The following HECW1 variants were observed in gnomAD, a reference collection of about 807,000 sequenced individuals.
HECW1 encodes HECT, C2 and WW domain containing E3 ubiquitin protein ligase 1, also known as E3 ubiquitin-protein ligase HECW1.
Under a neutral mutation model 182.3 loss-of-function variants are expected in HECW1, and 61 were observed. The observed-to-expected ratio is 0.33, with a 90% CI of 0.27 to 0.41. The LOEUF is 0.41. Among genes scored for constraint, HECW1 ranks in the 10% least tolerant of loss-of-function variants. The pLI, the probability that HECW1 is intolerant of heterozygous loss-of-function variation, is 1.00. For synonymous variants in HECW1, 859 were observed against 832.6 expected, an observed-to-expected ratio of 1.03 and a Z score of -0.55; for missense variants, 1,739 against 2,108.9, an observed-to-expected ratio of 0.82 and a Z score of 3.44.
intron 2 of HECW1, among the ~76,000 whole-genome samples, chr7:43,175,896 A>G (rs1792187163): frequency 2.0e-5 from 3 of 151,934 alleles, no homozygotes; most frequent in Admixed American, 6.6e-5. Flanking sequence ...TTCAATACCT[A>G]ATTATATCTC....
At chr7:43,221,508 T>C in intron 2 of HECW1, among the ~76,000 whole-genome samples, 1 of 149,834 alleles carries the variant, frequency 6.7e-6, no homozygotes. Context: ...TCAGTAAGTA[T>C]TTGCTAAACT....
At chr7:43,222,258 GT>G (rs1305107072) in intron 2 of HECW1, among the ~76,000 whole-genome samples, 1 of 151,756 alleles carries the variant, frequency 6.6e-6, no homozygotes, top group Non-Finnish European at 1.5e-5. Flanking sequence ...GAGAACCTGG[GT>G]TTTTTTTGCT....
chr7:43,223,524 C>T (rs1797166418), intron 2 of HECW1, among the ~76,000 whole-genome samples: 1 of 151,934 alleles, frequency 6.6e-6, no homozygotes, highest in Admixed American at 6.5e-5. Flanking sequence ...GAGGCCGAGG[C>T]AGGAGAATCG....
At chr7:43,334,968 C>T (rs1811935788) in intron 5 of HECW1, among the ~76,000 whole-genome samples, 1 of 152,122 alleles carries the variant, frequency 6.6e-6, no homozygotes, top group Non-Finnish European at 1.5e-5. Flanking sequence ...GCTTATTTTA[C>T]AATATGAATT....
chr7:43,390,868 T>C (rs2075001754), intron 6 of HECW1, among the ~76,000 whole-genome samples: 1 of 152,096 alleles, frequency 6.6e-6, no homozygotes, highest in South Asian at 2.1e-4. Context: ...GGCTGGAATG[T>C]AACAAAGAGC....
chr7:43,134,697 T>C (rs1787334054), intron 2 of HECW1, among the ~76,000 whole-genome samples: 1 of 144,110 alleles, frequency 6.9e-6, no homozygotes, highest in East Asian at 2.0e-4. Flanking sequence ...TGGCATATTT[T>C]CCTCAATCTT....
At chr7:43,435,195 A>C (rs1318557014) in intron 8 of HECW1, among the ~76,000 whole-genome samples, 1 of 151,744 alleles carries the variant, frequency 6.6e-6, no homozygotes, top group Non-Finnish European at 1.5e-5. Flanking sequence ...TTATATGTGC[A>C]TATCACCTAT....
chr7:43,531,513 A>G (rs1218122997), intron 24 of HECW1, among the ~76,000 whole-genome samples: 3 of 152,172 alleles, frequency 2.0e-5, no homozygotes, highest in Non-Finnish European at 4.4e-5. Flanking sequence ...CATTGAAAAA[A>G]CAACAACCCA....
chr7:43,189,578 A>G (rs1391266318), intron 2 of HECW1, among the ~76,000 whole-genome samples: 3 of 152,172 alleles, frequency 2.0e-5, no homozygotes, highest in Non-Finnish European at 4.4e-5. Context: ...TGTGAATACC[A>G]TTCAGTAAAA....
intron 6 of HECW1, among the ~76,000 whole-genome samples, chr7:43,379,287 T>C (rs2074454243): frequency 6.6e-6 from 1 of 152,150 alleles, no homozygotes; most frequent in African/African-American, 2.4e-5. Flanking sequence ...TAGAGTGCCC[T>C]TCCCTCTCTC....
intron 2 of HECW1, among the ~76,000 whole-genome samples, chr7:43,188,001 G>T (rs1583878527): frequency 6.6e-6 from 1 of 152,280 alleles, no homozygotes; most frequent in East Asian, 1.9e-4. Flanking sequence ...TTTTGGCACC[G>T]TAGCACATAC....
chr7:43,495,911 A>G (rs1225482984), intron 19 of HECW1, among the ~76,000 whole-genome samples: 2 of 152,156 alleles, frequency 1.3e-5, no homozygotes, highest in Non-Finnish European at 2.9e-5. Flanking sequence ...TTAAGTAGTG[A>G]GTTCACTGCT....
intron 12 of HECW1, among the ~76,000 whole-genome samples, chr7:43,455,530 C>G (rs2077372470): frequency 6.6e-6 from 1 of 152,216 alleles, no homozygotes; most frequent in South Asian, 2.1e-4. Context: ...AGAAAGCATT[C>G]TCCAGCATCA....
intron 1 of HECW1, 71 bp from the exon 2 acceptor site, chr7:43,114,086 T>C (rs1469378165): frequency 4.3e-6 from 2 of 463,228 alleles, no homozygotes; most frequent in Non-Finnish European, 7.6e-6. Context: ...TGCTGTAGTT[T>C]TGTGCTTACT....
chr7:43,290,130 G>A (rs1183498531), intron 3 of HECW1, among the ~76,000 whole-genome samples: 1 of 152,200 alleles, frequency 6.6e-6, no homozygotes, highest in Non-Finnish European at 1.5e-5. Context: ...AGAAAGGTCT[G>A]GAAAGTGAAG....
At position 43,469,114 on chromosome 7, in the gene HECW1, G is replaced by T; in HGVS notation, c.3099+9G>T. ...CGGACCAGCAGGGAAAGGTGAGTGT[G>T]ACCCACGTGCGGGGCTTTCATCAAA... On this transcript the variant is annotated intron_variant, in intron 16 of 29. Transcript: ENST00000395891. 1 of 1,612,918 alleles carries T rather than the reference G, an allele frequency of 6.2e-7. No individual in the cohort carries two copies. Among genetic ancestry groups the T allele is most frequent in the East Asian group, 2.2e-5 (1 of 44,870 alleles).
intron 6 of HECW1, among the ~76,000 whole-genome samples, chr7:43,385,086 C>G (rs968693637): frequency 6.6e-6 from 1 of 151,648 alleles, no homozygotes; most frequent in Admixed American, 6.6e-5. Context: ...AGAAAAAGAT[C>G]CTGAATTCAA....
chr7:43,360,081 A>G (rs891897333), intron 5 of HECW1, among the ~76,000 whole-genome samples: 1 of 152,194 alleles, frequency 6.6e-6, no homozygotes, highest in Non-Finnish European at 1.5e-5. Flanking sequence ...CCAACGTCTT[A>G]TGAAGTCCTA....
In HECW1 at chr7:43,493,192, C is replaced by A. The variant is rs370231171; in HGVS notation, c.3437+12C>A. 2.4e-5 allele frequency: 38 copies of A among 1,571,636 alleles called. No individual in the cohort carries two copies. Among genetic ancestry groups the A allele is most frequent in the Non-Finnish European group, 3.1e-5 (35 of 1,142,472 alleles). On this transcript the variant is annotated intron_variant, in intron 19 of 29. Coordinates refer to ENST00000395891, the MANE Select transcript of HECW1 (RefSeq NM_015052.5). ...AACCACACACTCAGGTAAGCCTCGC[C>A]CCTCACTCCCTGGAACTCTAGGTCT... is the stretch of plus-strand genomic sequence containing the variant.
Sources: allele counts gnomAD v4.1 joint callset (sites outside exome capture counted in the v4.1 genomes callset), GRCh38; gene constraint gnomAD v4.1.1; transcripts MANE v1.5; gene names NCBI Gene and HGNC (gene_info 2026-07-23, HGNC 2026-07-21).